DNAAF4: variants seen among roughly 807,000 people sequenced by gnomAD.
DNAAF4 encodes dynein assembly factor 4, axonemal.
In DNAAF4, 43 loss-of-function variants were observed where a neutral mutation model predicts 51.8. The observed-to-expected ratio is 0.83, with a 90% CI of 0.65 to 1.07. The LOEUF (loss-of-function observed/expected upper bound fraction) is 1.07, where lower values mean the gene tolerates loss of function less well. DNAAF4 is among the 50% of genes least tolerant of loss of function. DNAAF4 has a pLI of 0.00. For missense variants in DNAAF4, 581 were observed against 493.0 expected, an observed-to-expected ratio of 1.18 and a Z score of -1.69; for synonymous variants, 194 against 165.6, an observed-to-expected ratio of 1.17 and a Z score of -1.32.
chr15:55,460,176 C>A lies in DNAAF4; in HGVS notation c.637+6754G>T, dbSNP rs567495385. Among the ~76,000 whole-genome samples the A allele has an allele frequency of 4.3e-4, 59 of 138,012 alleles. 1 individual carries two copies. The East Asian group carries it at 0.012, about 27-fold the overall frequency. 90.5% of individuals were successfully genotyped at this position (138,012 alleles called of 152,430 possible). A position where few individuals can be genotyped will look rare whatever the true frequency, so the allele number is the denominator to read the frequency against. ...TCAAATTTATTTATTTATTTATTTA[C>A]TTATTTATTTATTTTTTTTTTTGAG... On this transcript the variant is annotated intron_variant, in intron 5 of 9. Coordinates refer to ENST00000321149, the MANE Select transcript of DNAAF4 (RefSeq NM_130810.4).
chr15:55,456,412 C>T (rs929491173), intron 5 of DNAAF4, among the ~76,000 whole-genome samples: 1 of 152,078 alleles, frequency 6.6e-6, no homozygotes, highest in Admixed American at 6.6e-5. Context: ...GTTTAATATT[C>T]TAAAATTAGA....
At chr15:55,422,775 T>C (rs145462580) in intron 7 of DNAAF4, among the ~76,000 whole-genome samples, 5,569 of 152,210 alleles carry the variant, frequency 0.037, 106 homozygotes, top group African/African-American at 0.05. Context: ...GGTGGGCAGA[T>C]CGCCTGAGGT....
At chr15:55,433,845 T>TA (rs1555413797) in intron 8 of DNAAF4, among the ~76,000 whole-genome samples, 5 of 70,292 alleles carry the variant, frequency 7.1e-5, no homozygotes, top group Non-Finnish European at 1.1e-4. Flanking sequence ...ATATTATATA[T>TA]TATATATATT....
intron 5 of DNAAF4, among the ~76,000 whole-genome samples, chr15:55,453,548 C>CTTTTTTTTTTTTTTTTTT (rs1228330492): frequency 8.6e-6 from 1 of 115,678 alleles, no homozygotes; most frequent in Non-Finnish European, 1.8e-5. Context: ...AAAAACAGTT[C>CTTTTTTTTTTTTTTTTTT]TTTTTTTTTT....
chr15:55,422,362 A>C (rs1157941879), intron 7 of DNAAF4, among the ~76,000 whole-genome samples: 1 of 152,184 alleles, frequency 6.6e-6, no homozygotes, highest in Admixed American at 6.6e-5. Context: ...AATTCAAGGG[A>C]GTAGCCCAAA....
intron 4 of DNAAF4, among the ~76,000 whole-genome samples, chr15:55,471,295 T>C (rs1354328870): frequency 6.6e-6 from 1 of 152,042 alleles, no homozygotes; most frequent in Admixed American, 6.6e-5. Context: ...AGTTGCCTCA[T>C]TAGAACAAAA....
chr15:55,456,370 C>G (rs2058021442), intron 5 of DNAAF4, among the ~76,000 whole-genome samples: 1 of 152,198 alleles, frequency 6.6e-6, no homozygotes, highest in African/African-American at 2.4e-5. Context: ...GCGTGAGCCA[C>G]TGCATCCGGC....
At chr15:55,489,059 A>G (rs1335832725) in intron 4 of DNAAF4, among the ~76,000 whole-genome samples, 1 of 151,772 alleles carries the variant, frequency 6.6e-6, no homozygotes, top group Non-Finnish European at 1.5e-5. Context: ...GCTGCACTCC[A>G]GCCTGGGCGA....
intron 3 of DNAAF4, among the ~76,000 whole-genome samples, chr15:55,495,744 C>T (rs562286393): frequency 1.3e-5 from 2 of 151,802 alleles, no homozygotes; most frequent in South Asian, 4.2e-4. Flanking sequence ...TCTTAAAAAA[C>T]TCAAAATTAA....
At chr15:55,450,042 GA>G (rs2057909703) in intron 6 of DNAAF4, among the ~76,000 whole-genome samples, 179 bp downstream of exon 6, 1 of 151,872 alleles carries the variant, frequency 6.6e-6, no homozygotes, top group African/African-American at 2.4e-5. Flanking sequence ...CACTATTCTG[GA>G]GCCAAAAACA....
In DNAAF4 at chr15:55,488,637, A is replaced by T. The variant is rs531453011; in HGVS notation, c.405+2486T>A. Among the ~76,000 whole-genome samples the T allele has an allele frequency of 1.2e-4, 18 of 152,328 alleles. No homozygotes were observed. In the South Asian group the frequency reaches 3.7e-3, roughly 32 times the overall value. On this transcript the variant is annotated intron_variant, in intron 4 of 9. Transcript: ENST00000321149. ...ACAAAACATACTCCCAACTCTCAAC[A>T]CTACTGAGGGAAGAGAGAAAACAGA...
At chr15:55,463,050 T>C (rs1315074047) in intron 5 of DNAAF4, among the ~76,000 whole-genome samples, 3 of 152,070 alleles carry the variant, frequency 2.0e-5, no homozygotes, top group African/African-American at 7.2e-5. Context: ...GGTGCACACC[T>C]GTAATCCCAG....
chr15:55,438,539 T>G (rs755824051), intron 7 of DNAAF4, among the ~76,000 whole-genome samples: 95 of 152,062 alleles, frequency 6.2e-4, no homozygotes, highest in Non-Finnish European at 1.2e-3. Flanking sequence ...CCCAGCACTT[T>G]GGGAGACTGA....
intron 7 of DNAAF4, among the ~76,000 whole-genome samples, chr15:55,423,868 C>A (rs958829612): frequency 1.3e-5 from 2 of 152,098 alleles, no homozygotes; most frequent in African/African-American, 4.8e-5. Flanking sequence ...GTGGGCAAAT[C>A]GCCAGAGGTC....
intron 1 of DNAAF4, among the ~76,000 whole-genome samples, chr15:55,503,498 TA>T (rs2058710387): frequency 6.6e-6 from 1 of 152,126 alleles, no homozygotes; most frequent in African/African-American, 2.4e-5. Context: ...CCAATATCCC[TA>T]AGGAACATCG....
At position 55,430,559 on chromosome 15, in the gene DNAAF4, C is replaced by A. The variant is rs2057476491; in HGVS notation, c.*111G>T. On this transcript the variant is annotated 3_prime_UTR_variant, in exon 10 of 10. Transcript: ENST00000321149. ...TTATAATATTTTGCCCTCAACAGAA[C>A]TAAAGTACTAAACAGAAAGCGATTC... The A allele has an allele frequency of 7.2e-7, 1 of 1,379,370 alleles. No individual in the cohort carries two copies. The highest frequency in any genetic ancestry group is 1.5e-5 in the African/African-American group (1 of 67,850). The allele number at this position is 1,379,370 out of a possible 1,614,324, so 85.4% of individuals were successfully genotyped here.
At chr15:55,459,982 G>T (rs919664933) in intron 5 of DNAAF4, among the ~76,000 whole-genome samples, 3 of 151,342 alleles carry the variant, frequency 2.0e-5, no homozygotes, top group Non-Finnish European at 4.4e-5. Flanking sequence ...GATTACAGGC[G>T]TGAGCCACTG....
At chr15:55,463,156 A>T (rs2058117476) in intron 5 of DNAAF4, among the ~76,000 whole-genome samples, 1 of 146,522 alleles carries the variant, frequency 6.8e-6, no homozygotes, top group African/African-American at 2.6e-5. Context: ...CCTAAGGAAC[A>T]CAGTGAGACT....
chr15:55,495,566 C>T (rs554981270), intron 3 of DNAAF4, among the ~76,000 whole-genome samples: 1 of 152,138 alleles, frequency 6.6e-6, no homozygotes, highest in Non-Finnish European at 1.5e-5. Flanking sequence ...GAGACCCTGT[C>T]TCTACAAAAA....
Sources: gnomAD v4.1 joint callset for allele counts (sites outside exome capture counted in the v4.1 genomes callset) on GRCh38, gnomAD v4.1.1 for gene constraint, MANE v1.5 for transcripts, NCBI Gene and HGNC (gene_info 2026-07-23, HGNC 2026-07-21) for gene names.